Variants in CCDC17 observed in about 807,000 individuals in gnomAD.
The protein encoded by CCDC17 is coiled-coil domain-containing protein 17.
In CCDC17, 79 loss-of-function variants were observed where a neutral mutation model predicts 68.0. The ratio of observed to expected loss-of-function variants is 1.16; its 90% confidence interval spans 0.97 to 1.40. The LOEUF (loss-of-function observed/expected upper bound fraction) is 1.40, where lower values mean the gene tolerates loss of function less well. CCDC17 is among the 40% of genes most tolerant of loss of function. The probability of loss-of-function intolerance (pLI) is 0.00; values close to 1 mark genes in which losing one functional copy is unlikely to be tolerated. For synonymous variants in CCDC17, 376 were observed against 337.5 expected (o/e 1.11, Z -1.25); for missense variants, 846 against 811.5 (o/e 1.04, Z -0.52).
rs760574361 is a variant in CCDC17 at position 45,620,902 on chromosome 1, C to A, written c.1599+1G>T. 5 of 1,613,368 alleles carry A rather than the reference C, an allele frequency of 3.1e-6. No homozygotes were observed. In the South Asian group the frequency reaches 3.3e-5, roughly 11 times the overall value. On this transcript the variant is annotated splice_donor_variant, in intron 11 of 12. Transcript: ENST00000528266. LOFTEE classifies it high-confidence loss of function. ...GCCCAATCCCTGCGCACCACACTCA[C>A]CTGAGGAATCCCATTCAGCTGCCCA... is the stretch of plus-strand genomic sequence containing the variant.
chr1:45,621,079 C>T lies in CCDC17; in HGVS notation c.1423G>A (p.Glu475Lys). ...GCTAGCCCCTGCCAGACCTGCAGCT[C>T]ACAGACCAAAGATACTGATGATGAG... is the stretch of plus-strand genomic sequence containing the variant. The part of the protein sequence containing the change: ...PPSSSVSLVC[E>K]LQVWQGLAWA... The change falls in exon 11 of 13, where the codon GAG (glutamate) becomes AAG (lysine). Residue 475 changes from glutamate to lysine, a missense_variant. By Grantham distance (56) the Glu-to-Lys change is moderately conservative. Transcript: ENST00000528266. 6.2e-7 allele frequency: 1 copy of T among 1,613,996 alleles called. No individual in the cohort carries two copies. Among genetic ancestry groups the T allele is most frequent in the Non-Finnish European group, 8.5e-7 (1 of 1,179,878 alleles).
intron 3 of CCDC17, 38 bp from the exon 4 acceptor site, chr1:45,623,155 AAGC>A: frequency 6.5e-7 from 1 of 1,538,856 alleles, no homozygotes; most frequent in East Asian, 2.5e-5. Context: ...CGGCCCGAGC[AAGC>A]TTAAGCCAAA....
rs920797277 is a variant in CCDC17, at chr1:45,623,363, C to T, written c.347G>A (p.Trp116Ter). 6.4e-7 allele frequency: 1 copy of T among 1,550,734 alleles called. No individual in the cohort carries two copies. The highest frequency in any genetic ancestry group is 8.7e-7 in the Non-Finnish European group (1 of 1,146,994). ...CTGAGGCCGCGCCTCGGAACGTGTC[C>T]AGGGCCCCGCGAACACCCTGGGGAC... is the stretch of plus-strand genomic sequence containing the variant. ...TEVPRVFAGP[W>*]TRSEARPQSP... The change falls in exon 3 of 13, where the codon TGG becomes TAG. Residue 116 changes from tryptophan (W) to a stop codon, truncating the protein, a stop_gained. Coordinates refer to ENST00000528266, the MANE Select transcript of CCDC17 (RefSeq NM_001114938.3). LOFTEE classifies it high-confidence loss of function.
chr1:45,620,322 C>T lies in CCDC17; in HGVS notation c.1822G>A (p.Gly608Ser). The change falls in exon 13 of 13, where the codon GGT becomes AGT. Residue 608 changes from glycine (G) to serine (S), a missense_variant. Physicochemically the swap from Gly to Ser is moderately conservative, Grantham distance 56. Transcript: ENST00000528266. ...TCAGAACTGTGGTGAGGGCCCAAACCCTCATCTCTATCCTTGACTCCACTG... is the reference window on the plus strand; with the variant it reads ...TCAGAACTGTGGTGAGGGCCCAAACTCTCATCTCTATCCTTGACTCCACTG... ...PLSGVKDRDE[G>S]LGPHHSSDLP... The T allele has an allele frequency of 6.2e-7, 1 of 1,609,782 alleles. No individual in the cohort carries two copies. Among genetic ancestry groups the T allele is most frequent in the Non-Finnish European group, 8.5e-7 (1 of 1,178,672 alleles).
At chr1:45,620,472 A>T (rs1188834299) in intron 12 of CCDC17, 39 bp from the exon 13 acceptor site, 1 of 1,507,482 alleles carries the variant, frequency 6.6e-7, no homozygotes, top group African/African-American at 1.4e-5. Context: ...GCAAAAATGT[A>T]AAGGTTAAGC....
At position 45,621,935 on chromosome 1, in the gene CCDC17, G is replaced by T; in HGVS notation, c.1028C>A (p.Pro343His). 1 of 1,610,982 alleles carries T rather than the reference G, an allele frequency of 6.2e-7. No homozygotes were observed. Among genetic ancestry groups the T allele is most frequent in the East Asian group, 2.2e-5 (1 of 44,806 alleles). Residue 343 changes from proline to histidine, a missense_variant, in exon 8 of 13, where the codon CCC becomes CAC. Coordinates refer to ENST00000528266, the MANE Select transcript of CCDC17 (RefSeq NM_001114938.3). The stretch of plus-strand genomic sequence containing the variant: ...TGCCACCGGTGGCGGGAGGAGTGGG[G>T]GATCTCTCCTCCCCTTCGGTTGTAG... Reference protein sequence around the residue: ...ASLQPKGRRDPPLLPPPVAPP... With the variant: ...ASLQPKGRRDHPLLPPPVAPP...
At position 45,620,353 on chromosome 1, in the gene CCDC17, C is replaced by CT; in HGVS notation, c.1790dup (p.Pro598AlafsTer8). Reference sequence around the variant, plus strand: ...CTCTATCCTTGACTCCACTGAGGGGCTCTTCTGTACGAGGTGGGGGATCAG... The same window carrying CT: ...CTCTATCCTTGACTCCACTGAGGGGCTTCTTCTGTACGAGGTGGGGGATCAG... On this transcript the variant is annotated frameshift_variant, in exon 13 of 13. Transcript: ENST00000528266. LOFTEE classifies it low-confidence loss of function (END_TRUNC). The CT allele has an allele frequency of 6.2e-7, 1 of 1,607,344 alleles. No homozygotes were observed. Among genetic ancestry groups the CT allele is most frequent in the African/African-American group, 1.3e-5 (1 of 74,696 alleles).
In CCDC17 at chr1:45,620,912, C is replaced by T; in HGVS notation, c.1590G>A (p.Gly530=). The change falls in exon 11 of 13, where the codon GGG becomes GGA. Residue 530 remains glycine, a synonymous_variant. Transcript: ENST00000528266. ...TGCGCACCACACTCACCTGAGGAAT[C>T]CCATTCAGCTGCCCAAGGCTAAGGC... The part of the protein sequence containing the change: ...DPSLSLGQLN[G]IPQAGQAELF... 1 of 1,613,644 alleles carries T rather than the reference C, an allele frequency of 6.2e-7. No homozygotes were observed. Among genetic ancestry groups the T allele is most frequent in the African/African-American group, 1.3e-5 (1 of 75,072 alleles).
rs766214523 is a variant in CCDC17, at chr1:45,620,442, CAGG to C, written c.1711-12_1711-10del. 16 of 1,546,220 alleles carry C rather than the reference CAGG, an allele frequency of 1.0e-5. No homozygotes were observed. The Admixed American group carries it at 2.0e-4, about 20-fold the overall frequency. On this transcript the variant is annotated splice_polypyrimidine_tract_variant and intron_variant, in intron 12 of 12. Coordinates refer to ENST00000528266, the MANE Select transcript of CCDC17 (RefSeq NM_001114938.3). ...GAAGATGTGCTGGACACCTGTGGAA[CAGG>C]AGAAGGCAGGTTTTGAGCAAAAATG...
At position 45,622,434 on chromosome 1, in the gene CCDC17, C is replaced by CT. The variant is rs535089656; in HGVS notation, c.860-87dup. The stretch of plus-strand genomic sequence containing the variant: ...TGAGCAGCTCTCCAGCGCTAAGGCT[C>CT]TTCGGATAAGGCTGGACTTGTCAGC... On this transcript the variant is annotated intron_variant, in intron 6 of 12. Coordinates refer to ENST00000528266, the MANE Select transcript of CCDC17 (RefSeq NM_001114938.3). The CT allele has an allele frequency of 2.1e-3, 3,116 of 1,476,564 alleles. 4 individuals carry two copies. Among genetic ancestry groups the CT allele is most frequent in the Admixed American group, 3.3e-3 (147 of 44,628 alleles). The allele number at this position is 1,476,564 out of a possible 1,614,324, so 91.5% of individuals were successfully genotyped here. A position where few individuals can be genotyped will look rare whatever the true frequency, so the allele number is the denominator to read the frequency against.
rs571042755 is a variant in CCDC17, at chr1:45,621,404, G to A, written c.1265C>T (p.Ala422Val). The part of the protein sequence containing the change: ...WIWVQLRTGL[A>V]RDGRDTGRTT... ...CCTTCCTGTATCCCGTCCATCGCGT[G>A]CCAAGCCAGTCCTTAGTTGCACCCA... Residue 422 changes from alanine to valine, a missense_variant, in exon 10 of 13, where the codon GCA (alanine) becomes GTA (valine). Coordinates refer to ENST00000528266, the MANE Select transcript of CCDC17 (RefSeq NM_001114938.3). 247 of 1,595,844 alleles carry A rather than the reference G, an allele frequency of 1.5e-4. No individual in the cohort carries two copies. The highest frequency in any genetic ancestry group is 2.0e-4 in the Non-Finnish European group (233 of 1,171,872).
In CCDC17 at chr1:45,621,377, G is replaced by A. The variant is rs1449094987; in HGVS notation, c.1292C>T (p.Thr431Ile). Residue 431 changes from threonine to isoleucine, a missense_variant, in exon 10 of 13, where the codon ACC becomes ATC. By Grantham distance (89) the Thr-to-Ile change is moderately conservative. Coordinates refer to ENST00000528266, the MANE Select transcript of CCDC17 (RefSeq NM_001114938.3). ...LARDGRDTGR[T>I]TALPPALCLP... ...GCAAAGGGCTGGGGGCAACGCTGTG[G>A]TCCTTCCTGTATCCCGTCCATCGCG... The A allele has an allele frequency of 1.3e-6, 2 of 1,593,336 alleles. No individual in the cohort carries two copies. Among genetic ancestry groups the A allele is most frequent in the South Asian group, 2.3e-5 (2 of 87,550 alleles).
rs142888180 is a variant in CCDC17, at chr1:45,620,370, G to C, written c.1774C>G (p.Pro592Ala). 1.9e-6 allele frequency: 3 copies of C among 1,606,052 alleles called. No homozygotes were observed. The highest frequency in any genetic ancestry group is 2.5e-6 in the Non-Finnish European group (3 of 1,177,114). The stretch of plus-strand genomic sequence containing the variant: ...CTGAGGGGCTCTTCTGTACGAGGTG[G>C]GGGATCAGCAAAGCCAACTGCGGGG... The part of the protein sequence containing the change: ...LTPAVGFADP[P>A]PRTEEPLSGV... The change falls in exon 13 of 13, where the codon CCA (proline) becomes GCA (alanine). Residue 592 changes from proline (P) to alanine (A), a missense_variant. By Grantham distance (27) the Pro-to-Ala change is conservative (BLOSUM62 -1). Coordinates refer to ENST00000528266, the MANE Select transcript of CCDC17 (RefSeq NM_001114938.3).
intron 7 of CCDC17, 104 bp downstream of exon 7, chr1:45,622,137 G>C: frequency 3.9e-6 from 5 of 1,290,406 alleles, no homozygotes; most frequent in Non-Finnish European, 5.5e-6. Context: ...ACATGAACTA[G>C]GGGAGTCACA....
chr1:45,622,857 G>A, intron 4 of CCDC17, 23 bp from the exon 5 acceptor site: 1 of 1,583,528 alleles, frequency 6.3e-7, no homozygotes, highest in Non-Finnish European at 8.6e-7. Flanking sequence ...GCGACGCGCA[G>A]GGAGACGGTA....
chr1:45,622,584 G>A lies in CCDC17; in HGVS notation c.824C>T (p.Ser275Phe). ...GQIWQLQVEA[S>F]ALELQRSQTR... ...CTGCGACCGCTGCAGCTCCAGTGCA[G>A]ACGCCTCCACCTGCAACTGCCATAT... The change falls in exon 6 of 13, where the codon TCT becomes TTT. Residue 275 changes from serine (S) to phenylalanine (F), a missense_variant. Coordinates refer to ENST00000528266, the MANE Select transcript of CCDC17 (RefSeq NM_001114938.3). 1 of 1,553,612 alleles carries A rather than the reference G, an allele frequency of 6.4e-7. No homozygotes were observed. Among genetic ancestry groups the A allele is most frequent in the Non-Finnish European group, 8.7e-7 (1 of 1,148,300 alleles).
At position 45,622,232 on chromosome 1, in the gene CCDC17, C is replaced by A; in HGVS notation, c.967+9G>T. 1 of 1,609,598 alleles carries A rather than the reference C, an allele frequency of 6.2e-7. No homozygotes were observed. The highest frequency in any genetic ancestry group is 1.7e-4 in the Middle Eastern group (1 of 6,048). ...AGTGGGATGGGATAGGGTTGGGGTG[C>A]TCACTGACCCAAGGGTGCCCGACCC... On this transcript the variant is annotated intron_variant, in intron 7 of 12. Coordinates refer to ENST00000528266, the MANE Select transcript of CCDC17 (RefSeq NM_001114938.3).
chr1:45,622,130 T>C (rs1250488201), intron 7 of CCDC17, 111 bp downstream of exon 7: 6 of 1,280,236 alleles, frequency 4.7e-6, no homozygotes, highest in South Asian at 1.3e-5. Context: ...CGTGCAGACA[T>C]GAACTAGGGG....
Position 45,622,294 on chromosome 1 carries a change from C to T in CCDC17, c.914G>A (p.Arg305His), listed in dbSNP as rs779922193. Residue 305 changes from arginine to histidine, a missense_variant, in exon 7 of 13, where the codon CGC becomes CAC. Transcript: ENST00000528266. ...CAAGGCCAAGATTTCTGCCTCCAAG[C>T]GCCGGTTTTCAGCCTCCACTACTGG... ...ELPVVEAENR[R>H]LEAEILALQM... is the part of the protein sequence containing the mutation. 3.1e-6 allele frequency: 5 copies of T among 1,612,466 alleles called. No homozygotes were observed. The highest frequency in any genetic ancestry group is 1.3e-5 in the African/African-American group (1 of 74,856).
Sources: gnomAD v4.1 joint callset for allele counts on GRCh38, gnomAD v4.1.1 for gene constraint, MANE v1.5 for transcripts, NCBI Gene and HGNC (gene_info 2026-07-23, HGNC 2026-07-21) for gene names.